Variants in PDE4B observed in about 807,000 individuals in gnomAD.
PDE4B encodes phosphodiesterase 4B.
Under a neutral mutation model 82.2 loss-of-function variants are expected in PDE4B, and 20 were observed. The observed-to-expected ratio is 0.24, with a 90% CI of 0.17 to 0.35. The LOEUF is 0.35. Among genes scored for constraint, PDE4B ranks in the 10% least tolerant of loss-of-function variants. The pLI is 1.00. For missense variants in PDE4B, 655 were observed against 907.2 expected (o/e 0.72, Z 3.57); for synonymous variants, 320 against 318.9 (o/e 1.00, Z -0.04).
At chr1:66,194,904 A>G (rs1282544975) in intron 3 of PDE4B, among the ~76,000 whole-genome samples, 1 of 152,132 alleles carries the variant, frequency 6.6e-6, no homozygotes, top group East Asian at 1.9e-4. Flanking sequence ...GAATTAAATG[A>G]GATTATATAT....
At chr1:65,954,589 T>C (rs560107652) in intron 3 of PDE4B, among the ~76,000 whole-genome samples, 1 of 152,252 alleles carries the variant, frequency 6.6e-6, no homozygotes, top group East Asian at 1.9e-4. Context: ...ATTTTGCTTT[T>C]CAACACCTAC....
chr1:66,349,008 C>A (rs1364743222), intron 8 of PDE4B, among the ~76,000 whole-genome samples: 1 of 152,058 alleles, frequency 6.6e-6, no homozygotes, highest in Non-Finnish European at 1.5e-5. Flanking sequence ...GTTATATCAT[C>A]TCTTGAGAAG....
intron 3 of PDE4B, among the ~76,000 whole-genome samples, chr1:66,002,755 G>A (rs960948894): frequency 6.6e-6 from 1 of 151,932 alleles, no homozygotes; most frequent in African/African-American, 2.4e-5. Flanking sequence ...ATTTTACCTT[G>A]ATTTGCTCTT....
intron 3 of PDE4B, among the ~76,000 whole-genome samples, chr1:65,921,179 G>A (rs1384040269): frequency 2.6e-5 from 4 of 151,106 alleles, no homozygotes; most frequent in Non-Finnish European, 4.4e-5. Context: ...CGTTTTAGCC[G>A]GGATGGTCTC....
chr1:66,036,511 A>G (rs569504281), intron 3 of PDE4B, among the ~76,000 whole-genome samples: 32 of 152,172 alleles, frequency 2.1e-4, no homozygotes, highest in Non-Finnish European at 3.8e-4. Context: ...GGGTGAGATA[A>G]GAGTCCATTT....
chr1:66,360,231 G>A (rs191759534), intron 9 of PDE4B, among the ~76,000 whole-genome samples: 2 of 152,284 alleles, frequency 1.3e-5, no homozygotes, highest in African/African-American at 2.4e-5. Context: ...GCTTGTGAGT[G>A]TAGGAGCTTG....
At chr1:65,891,460 A>G (rs532420816) in intron 1 of PDE4B, among the ~76,000 whole-genome samples, 8 of 152,210 alleles carry the variant, frequency 5.3e-5, no homozygotes, top group Admixed American at 3.9e-4. Flanking sequence ...AATTTTTTAT[A>G]TAACTATACT....
At chr1:66,207,841 T>C (rs1649681680) in intron 3 of PDE4B, among the ~76,000 whole-genome samples, 1 of 152,190 alleles carries the variant, frequency 6.6e-6, no homozygotes, top group Non-Finnish European at 1.5e-5. Context: ...AAAATACTCT[T>C]TGAGTACTTT....
rs545464510 is a variant in PDE4B at position 66,188,407 on chromosome 1, G to T, written c.282-59053G>T. On this transcript the variant is annotated intron_variant, in intron 3 of 16. Coordinates refer to ENST00000341517, the MANE Select transcript of PDE4B (RefSeq NM_002600.4). Reference sequence around the variant, plus strand: ...GGTATCCTTGTTAACTTTCTGTCTCGTTGATCTGTCTAATGTTGACAGTGG... The same window carrying T: ...GGTATCCTTGTTAACTTTCTGTCTCTTTGATCTGTCTAATGTTGACAGTGG... Among the ~76,000 whole-genome samples, 64 of 151,888 alleles carry T rather than the reference G, an allele frequency of 4.2e-4. 1 individual carries two copies. Among genetic ancestry groups the T allele is most frequent in the Admixed American group, 3.5e-3 (53 of 15,254 alleles).
At chr1:66,146,855 A>G (rs909351044) in intron 3 of PDE4B, among the ~76,000 whole-genome samples, 1 of 152,240 alleles carries the variant, frequency 6.6e-6, no homozygotes, top group Admixed American at 6.5e-5. Flanking sequence ...AAAAGTGACC[A>G]TGTTTAAAAA....
intron 3 of PDE4B, among the ~76,000 whole-genome samples, chr1:65,929,805 T>C (rs1371469891): frequency 2.0e-5 from 3 of 152,186 alleles, no homozygotes; most frequent in Admixed American, 2.0e-4. Context: ...TTATTTTGTA[T>C]AACTCTCTAA....
intron 3 of PDE4B, chr1:66,042,663 C>A (rs1366047126): frequency 6.6e-6 from 1 of 151,678 alleles, no homozygotes; most frequent in African/African-American, 2.4e-5. Flanking sequence ...AGGCAGTGTG[C>A]TGTGGTAGTG....
intron 1 of PDE4B, among the ~76,000 whole-genome samples, chr1:65,906,117 G>A (rs1472983666): frequency 6.6e-6 from 1 of 152,062 alleles, no homozygotes; most frequent in African/African-American, 2.4e-5. Flanking sequence ...ATCCTAGAGT[G>A]GCTGTTTGAT....
At chr1:66,354,619 G>T in intron 8 of PDE4B, 2 of 1,353,696 alleles carry the variant, frequency 1.5e-6, no homozygotes, top group Non-Finnish European at 1.9e-6. Flanking sequence ...ACTCTCTTCT[G>T]CCAGGAAATA....
chr1:66,137,722 A>T (rs1273245523), intron 3 of PDE4B, among the ~76,000 whole-genome samples: 2 of 152,208 alleles, frequency 1.3e-5, no homozygotes, highest in African/African-American at 2.4e-5. Context: ...TTATCGGCCC[A>T]TCAAAGAATA....
chr1:66,017,768 T>C (rs1405441201), intron 3 of PDE4B, among the ~76,000 whole-genome samples: 4 of 152,180 alleles, frequency 2.6e-5, no homozygotes, highest in Non-Finnish European at 5.9e-5. Context: ...GATTATTCCC[T>C]GACTACAACT....
At chr1:65,840,545 A>G (rs774198816) in intron 1 of PDE4B, among the ~76,000 whole-genome samples, 38 of 152,234 alleles carry the variant, frequency 2.5e-4, no homozygotes, top group Non-Finnish European at 5.0e-4. Context: ...AAAACAAAAA[A>G]GAGTTTGAAG....
At chr1:66,331,893 A>G (rs2101915145) in intron 7 of PDE4B, 1 of 987,130 alleles carries the variant, frequency 1.0e-6, no homozygotes, top group South Asian at 4.6e-5. Flanking sequence ...AGAGAAAGGA[A>G]TAGCCTATGC....
chr1:66,358,589 A>G (rs1428767384), intron 9 of PDE4B, among the ~76,000 whole-genome samples: 2 of 150,914 alleles, frequency 1.3e-5, no homozygotes, highest in Non-Finnish European at 2.9e-5. Context: ...CAGGAGAATC[A>G]CTTGAATCCA....
Sources: gnomAD v4.1 joint callset for allele counts (sites outside exome capture counted in the v4.1 genomes callset) on GRCh38, gnomAD v4.1.1 for gene constraint, MANE v1.5 for transcripts, NCBI Gene and HGNC (gene_info 2026-07-23, HGNC 2026-07-21) for gene names.